Variants in RAD18 observed in about 807,000 individuals in gnomAD.
RAD18 encodes E3 ubiquitin-protein ligase RAD18.
Under a neutral mutation model 60.4 loss-of-function variants are expected in RAD18, and 47 were observed. The observed-to-expected ratio is 0.78, with a 90% confidence interval of 0.62 to 0.99. The LOEUF (loss-of-function observed/expected upper bound fraction) is 0.99. Among genes scored for constraint, RAD18 ranks in the 50% least tolerant of loss-of-function variants. RAD18 has a pLI of 0.00. For synonymous variants in RAD18, 225 were observed against 195.5 expected, an observed-to-expected ratio of 1.15 and a Z score of -1.26; for missense variants, 640 against 593.3, an observed-to-expected ratio of 1.08 and a Z score of -0.82.
chr3:8,901,964 G>T (rs1467488156), intron 10 of RAD18, among the ~76,000 whole-genome samples: 1 of 152,172 alleles, frequency 6.6e-6, no homozygotes, highest in Non-Finnish European at 1.5e-5. Context: ...TAAGGAACGT[G>T]CTCTGTATTA....
intron 9 of RAD18, among the ~76,000 whole-genome samples, 186 bp from the exon 10 acceptor site, chr3:8,902,706 T>C (rs1217393589): frequency 1.3e-5 from 2 of 152,140 alleles, no homozygotes; most frequent in African/African-American, 2.4e-5. Flanking sequence ...GTGGCCAGCA[T>C]GGTGAAACCC....
chr3:8,896,791 C>A (rs1466085264), intron 11 of RAD18, among the ~76,000 whole-genome samples: 7 of 152,154 alleles, frequency 4.6e-5, no homozygotes, highest in Admixed American at 2.6e-4. Flanking sequence ...ATCTCTTTAT[C>A]CTGGCATGCC....
At chr3:8,938,864 C>A (rs1299052221) in intron 6 of RAD18, among the ~76,000 whole-genome samples, 1 of 152,138 alleles carries the variant, frequency 6.6e-6, no homozygotes, top group Non-Finnish European at 1.5e-5. Context: ...TAATGCCTTG[C>A]AATTTAAGTT....
At position 8,949,710 on chromosome 3, in the gene RAD18, A is replaced by G. The variant is rs1159146259; in HGVS notation, c.134-1140T>C. On this transcript the variant is annotated intron_variant, in intron 2 of 12. Transcript: ENST00000264926. ...ACAGACAATCACAACTTACTGGAAC[A>G]GAAACCCACAAACAGAAACCTCCAT... Among the ~76,000 whole-genome samples the G allele has an allele frequency of 2.0e-5, 3 of 152,228 alleles. No individual in the cohort carries two copies. The East Asian group carries it at 5.8e-4, about 29-fold the overall frequency.
chr3:8,928,249 C>CA (rs1218428130), intron 7 of RAD18, among the ~76,000 whole-genome samples: 2 of 150,714 alleles, frequency 1.3e-5, no homozygotes, highest in African/African-American at 2.4e-5. Flanking sequence ...TCAGTTAATC[C>CA]AAAAAAAAGC....
chr3:8,881,546 A>AT, intron 12 of RAD18, 87 bp from the exon 13 acceptor site: 2 of 1,058,218 alleles, frequency 1.9e-6, no homozygotes, highest in Non-Finnish European at 2.8e-6. Context: ...CACACATATT[A>AT]TTTCATTAAA....
chr3:8,958,562 T>A (rs1941047480), intron 2 of RAD18, among the ~76,000 whole-genome samples: 3 of 152,194 alleles, frequency 2.0e-5, no homozygotes, highest in Non-Finnish European at 4.4e-5. Context: ...AAATTCTATA[T>A]CAAGTACTAC....
At chr3:8,922,011 C>T (rs555365978) in intron 7 of RAD18, among the ~76,000 whole-genome samples, 11 of 152,210 alleles carry the variant, frequency 7.2e-5, no homozygotes, top group African/African-American at 1.9e-4. Flanking sequence ...TCAGCATGAG[C>T]GACGCAGAAG....
At chr3:8,925,087 A>T (rs1226481235) in intron 7 of RAD18, among the ~76,000 whole-genome samples, 6 of 151,280 alleles carry the variant, frequency 4.0e-5, no homozygotes, top group African/African-American at 1.5e-4. Context: ...AAATAGAGAC[A>T]CAAAAAACCC....
chr3:8,910,475 C>T (rs578112694), intron 9 of RAD18, among the ~76,000 whole-genome samples: 1 of 152,136 alleles, frequency 6.6e-6, no homozygotes, highest in African/African-American at 2.4e-5. Context: ...TGGCAGGCGC[C>T]TGTACTCAGG....
intron 10 of RAD18, among the ~76,000 whole-genome samples, chr3:8,901,317 C>T (rs751168866): frequency 1.4e-4 from 22 of 152,128 alleles, no homozygotes; most frequent in Non-Finnish European, 2.1e-4. Flanking sequence ...TCAGAAATCG[C>T]ACTCTAAGCT....
At chr3:8,917,187 C>T (rs1196537962) in intron 7 of RAD18, among the ~76,000 whole-genome samples, 1 of 152,062 alleles carries the variant, frequency 6.6e-6, no homozygotes, top group African/African-American at 2.4e-5. Context: ...AGAAAAAAGC[C>T]CGCCAATCCA....
chr3:8,910,651 A>G (rs1336867992), intron 9 of RAD18, among the ~76,000 whole-genome samples: 1 of 152,130 alleles, frequency 6.6e-6, no homozygotes, highest in African/African-American at 2.4e-5. Flanking sequence ...AATTATAACC[A>G]TCTTATGCAA....
intron 10 of RAD18, among the ~76,000 whole-genome samples, chr3:8,900,251 C>T (rs1006340523): frequency 3.3e-5 from 5 of 152,060 alleles, no homozygotes; most frequent in African/African-American, 9.7e-5. Context: ...GCCAGGATGA[C>T]CATCCTGAAC....
chr3:8,953,887 A>T (rs1435352141), intron 2 of RAD18, among the ~76,000 whole-genome samples: 4 of 152,192 alleles, frequency 2.6e-5, no homozygotes, highest in African/African-American at 4.8e-5. Flanking sequence ...GTAAAAAGCA[A>T]TTTTATTTCA....
chr3:8,899,151 T>C, intron 10 of RAD18, 104 bp from the exon 11 acceptor site: 1 of 856,772 alleles, frequency 1.2e-6, no homozygotes, highest in Non-Finnish European at 1.7e-6. Context: ...AAAGTTGAAG[T>C]ATATGTCACA....
At chr3:8,960,414 A>T (rs1322602501) in intron 1 of RAD18, among the ~76,000 whole-genome samples, 1 of 152,228 alleles carries the variant, frequency 6.6e-6, no homozygotes. Context: ...CATGGTAAGA[A>T]GGAGACTTTT....
chr3:8,930,424 C>T (rs551922500), intron 7 of RAD18, among the ~76,000 whole-genome samples: 5 of 152,188 alleles, frequency 3.3e-5, no homozygotes, highest in Non-Finnish European at 5.9e-5. Flanking sequence ...GATAATGATG[C>T]TAATGGATAC....
At chr3:8,903,817 T>A (rs1939956256) in intron 9 of RAD18, among the ~76,000 whole-genome samples, 1 of 152,228 alleles carries the variant, frequency 6.6e-6, no homozygotes, top group Non-Finnish European at 1.5e-5. Flanking sequence ...ATTTTGACAC[T>A]GTTTTCATAC....
Sources: allele counts gnomAD v4.1 joint callset (sites outside exome capture counted in the v4.1 genomes callset), GRCh38; gene constraint gnomAD v4.1.1; transcripts MANE v1.5; gene names NCBI Gene and HGNC (gene_info 2026-07-23, HGNC 2026-07-21).